Variants in KAZN observed in about 807,000 individuals in gnomAD.
The protein encoded by KAZN is kazrin, periplakin interacting protein, also known as kazrin.
A neutral mutation model predicts 87.4 loss-of-function variants in KAZN; 40 were observed. That is an observed-to-expected ratio of 0.46 (90% CI 0.36 to 0.60). The LOEUF (loss-of-function observed/expected upper bound fraction) is 0.60. Ranked by LOEUF, KAZN falls within the 20% of genes least tolerant of loss-of-function variation. The probability of loss-of-function intolerance (pLI) is 0.00; values close to 1 mark genes in which losing one functional copy is unlikely to be tolerated. For synonymous variants in KAZN, 466 were observed against 458.3 expected, an observed-to-expected ratio of 1.02 and a Z score of -0.22; for missense variants, 898 against 1,073.9, an observed-to-expected ratio of 0.84 and a Z score of 2.29.
At chr1:14,201,864 C>T (rs1349108907) in intron 2 of KAZN, among the ~76,000 whole-genome samples, 1 of 152,178 alleles carries the variant, frequency 6.6e-6, no homozygotes, top group African/African-American at 2.4e-5. Context: ...GACAGGGTTT[C>T]TCCATGTTGG....
chr1:14,415,368 G>A (rs1429309127), intron 2 of KAZN, among the ~76,000 whole-genome samples: 2 of 152,176 alleles, frequency 1.3e-5, no homozygotes, highest in Non-Finnish European at 2.9e-5. Flanking sequence ...TATTTTGGAG[G>A]TAAAATTGAG....
chr1:14,568,554 T>G (rs887934585), intron 2 of KAZN, among the ~76,000 whole-genome samples: 1 of 152,312 alleles, frequency 6.6e-6, no homozygotes, highest in South Asian at 2.1e-4. Context: ...CTCGTGAGAC[T>G]TATTCACTAT....
chr1:14,464,490 C>CT (rs1668009975), intron 2 of KAZN, among the ~76,000 whole-genome samples: 1 of 152,024 alleles, frequency 6.6e-6, no homozygotes, highest in Non-Finnish European at 1.5e-5. Flanking sequence ...TTAGTTAGCA[C>CT]TTATTGGCAT....
chr1:14,883,351 A>AGG (rs1653609951), intron 1 of KAZN, among the ~76,000 whole-genome samples: 2 of 31,030 alleles, frequency 6.4e-5, no homozygotes, highest in African/African-American at 1.9e-4. Context: ...AGAAAGAAAG[A>AGG]AAGAAAAGAA....
intron 1 of KAZN, among the ~76,000 whole-genome samples, chr1:14,826,901 A>G (rs1408458173): frequency 1.3e-5 from 2 of 152,176 alleles, no homozygotes; most frequent in Admixed American, 6.5e-5. Context: ...GGGTCAGACC[A>G]AATGGGGTTC....
intron 2 of KAZN, among the ~76,000 whole-genome samples, chr1:14,963,039 ATAGT>A (rs571046253): frequency 6.0e-4 from 91 of 150,744 alleles, no homozygotes; most frequent in African/African-American, 1.9e-3. Context: ...TGGAAAGGTG[ATAGT>A]TAGTTCCTGC....
intron 1 of KAZN, among the ~76,000 whole-genome samples, chr1:14,704,200 G>C (rs544542585): frequency 2.6e-5 from 4 of 152,224 alleles, no homozygotes; most frequent in Non-Finnish European, 5.9e-5. Context: ...CTCTGTGAAA[G>C]GAAATATCAA....
chr1:14,836,960 C>A (rs1647322466), intron 1 of KAZN, among the ~76,000 whole-genome samples: 1 of 152,146 alleles, frequency 6.6e-6, no homozygotes, highest in East Asian at 1.9e-4. Flanking sequence ...CCCCAGGTAA[C>A]CGCCTTCCTG....
chr1:14,816,933 G>A (rs1050118513), intron 1 of KAZN, among the ~76,000 whole-genome samples: 2 of 152,134 alleles, frequency 1.3e-5, no homozygotes, highest in African/African-American at 4.8e-5. Flanking sequence ...TTCTGCCTAT[G>A]GCCAGTAACT....
At chr1:14,900,006 G>C (rs889910856) in intron 1 of KAZN, among the ~76,000 whole-genome samples, 1 of 152,114 alleles carries the variant, frequency 6.6e-6, no homozygotes, top group Non-Finnish European at 1.5e-5. Context: ...CCGGCCCTGT[G>C]GCTGCTTTCA....
rs2076569 is a variant in KAZN at position 15,056,312 on chromosome 1, G to C, written c.916+32G>C. ...CCTGCCCTGGCCTGGCTCCACCACG[G>C]CTTCGAGGGGCTTCACAGGAGGCCA... On this transcript the variant is annotated intron_variant, in intron 5 of 14. Coordinates refer to ENST00000376030, the MANE Select transcript of KAZN (RefSeq NM_201628.3). This position sits in a 1 kb window ranked among gnomAD's most constrained non-coding sequence, Gnocchi z 5.4. 5 of 1,556,912 alleles carry C rather than the reference G, an allele frequency of 3.2e-6. No homozygotes were observed. In the South Asian group the frequency reaches 5.9e-5, roughly 18 times the overall value.
intron 2 of KAZN, among the ~76,000 whole-genome samples, chr1:14,461,599 T>C (rs563556238): frequency 4.7e-4 from 72 of 152,146 alleles, no homozygotes; most frequent in Non-Finnish European, 9.3e-4. Context: ...GGATAAGACA[T>C]TAAGATAATT....
intron 1 of KAZN, among the ~76,000 whole-genome samples, chr1:14,900,719 A>C (rs1486788421): frequency 2.0e-5 from 3 of 147,512 alleles, no homozygotes; most frequent in Admixed American, 1.4e-4. Flanking sequence ...GCGCCACTGC[A>C]CTCCAGCCTG....
chr1:14,795,206 C>T (rs557190237), intron 1 of KAZN, among the ~76,000 whole-genome samples: 1 of 152,210 alleles, frequency 6.6e-6, no homozygotes, highest in South Asian at 2.1e-4. Context: ...ATAAGTTCCC[C>T]TTCATGTATT....
chr1:15,043,016 G>A (rs527287226), intron 3 of KAZN, among the ~76,000 whole-genome samples: 27 of 152,318 alleles, frequency 1.8e-4, no homozygotes, highest in African/African-American at 6.3e-4. Flanking sequence ...TTCCCTGCTG[G>A]CTCTGCTCTG....
chr1:14,030,943 T>G (rs1557793671), intron 1 of KAZN, among the ~76,000 whole-genome samples: 1 of 152,102 alleles, frequency 6.6e-6, no homozygotes, highest in Non-Finnish European at 1.5e-5. Flanking sequence ...CCATAGGCAT[T>G]TAATGAATAT....
At chr1:14,746,989 C>T (rs1274368033) in intron 1 of KAZN, among the ~76,000 whole-genome samples, 1 of 152,150 alleles carries the variant, frequency 6.6e-6, no homozygotes. Flanking sequence ...ACAGTAACTC[C>T]CCATCCCTTG....
chr1:14,643,819 A>G (rs1490336115), intron 1 of KAZN, among the ~76,000 whole-genome samples: 2 of 152,044 alleles, frequency 1.3e-5, no homozygotes, highest in African/African-American at 4.8e-5. Context: ...CTGCAACCTC[A>G]TCAGCATCTG....
At chr1:14,145,747 A>C (rs923075924) in intron 1 of KAZN, among the ~76,000 whole-genome samples, 4 of 152,054 alleles carry the variant, frequency 2.6e-5, no homozygotes, top group Non-Finnish European at 5.9e-5. Flanking sequence ...CACCTGGCTA[A>C]TTTTTGTATT....
Sources: allele counts gnomAD v4.1 joint callset (sites outside exome capture counted in the v4.1 genomes callset), GRCh38; gene constraint gnomAD v4.1.1; non-coding constraint Gnocchi (gnomAD v3.1); transcripts MANE v1.5; gene names NCBI Gene and HGNC (gene_info 2026-07-23, HGNC 2026-07-21).